Variants in RILPL1 observed in about 807,000 individuals in gnomAD.
The protein encoded by RILPL1 is Rab interacting lysosomal protein like 1, also known as RILP-like protein 1.
A neutral mutation model predicts 50.3 loss-of-function variants in RILPL1; 33 were observed. The observed-to-expected ratio is 0.66, with a 90% CI of 0.50 to 0.88. The LOEUF is 0.88. Ranked by LOEUF, RILPL1 falls within the 40% of genes least tolerant of loss-of-function variation. The probability of loss-of-function intolerance (pLI) is 0.00; values close to 1 mark genes in which losing one functional copy is unlikely to be tolerated. For synonymous variants in RILPL1, 205 were observed against 228.6 expected (o/e 0.90, Z 0.93); for missense variants, 418 against 542.5 (o/e 0.77, Z 2.28).
chr12:123,507,321 G>T (rs1025129618), intron 2 of RILPL1, among the ~76,000 whole-genome samples: 8 of 152,134 alleles, frequency 5.3e-5, no homozygotes, highest in Non-Finnish European at 8.8e-5. Context: ...CCAGCACTTT[G>T]GGAGGCCAAG....
chr12:123,486,805 A>AT (rs565165986), intron 4 of RILPL1, among the ~76,000 whole-genome samples: 1,276 of 125,190 alleles, frequency 0.01, 16 homozygotes, highest in African/African-American at 0.028. Context: ...ACACCCGGCA[A>AT]TTTTTTTTTT....
rs111442751 is a variant in RILPL1 at position 123,500,638 on chromosome 12, G to A, written c.461-1102C>T. Among the ~76,000 whole-genome samples the A allele has an allele frequency of 3.0e-3, 456 of 152,206 alleles. 1 individual carries two copies. The highest frequency in any genetic ancestry group is 9.9e-3 in the African/African-American group (413 of 41,546). On this transcript the variant is annotated intron_variant, in intron 2 of 6. Coordinates refer to ENST00000376874, the MANE Select transcript of RILPL1 (RefSeq NM_178314.5). ...GACGCTGCACAGTGATTCAGGCTGG[G>A]CTCAAGCTCAGACACTGGCTCTCCT...
intron 6 of RILPL1, among the ~76,000 whole-genome samples, chr12:123,482,587 T>A (rs1882066596): frequency 6.6e-6 from 1 of 151,878 alleles, no homozygotes; most frequent in African/African-American, 2.4e-5. Flanking sequence ...GGGCATCATT[T>A]TCTTTCTTTC....
intron 2 of RILPL1, among the ~76,000 whole-genome samples, chr12:123,521,591 AT>A (rs1885021281): frequency 4.6e-5 from 1 of 21,616 alleles, no homozygotes; most frequent in African/African-American, 1.3e-4. Context: ...ATGTGTATAT[AT>A]ATATTAATAT....
intron 2 of RILPL1, chr12:123,518,432 G>A (rs1422785257): frequency 3.0e-6 from 1 of 338,236 alleles, no homozygotes; most frequent in South Asian, 2.2e-5. Context: ...TTTTGAGCCT[G>A]GGAGGTTGAG....
intron 2 of RILPL1, among the ~76,000 whole-genome samples, chr12:123,510,243 G>T (rs1473238089): frequency 6.6e-6 from 1 of 152,224 alleles, no homozygotes; most frequent in African/African-American, 2.4e-5. Context: ...GCCCGCCTGT[G>T]CCCTCTCTCC....
chr12:123,509,967 C>T (rs1267094788), intron 2 of RILPL1, among the ~76,000 whole-genome samples: 1 of 152,228 alleles, frequency 6.6e-6, no homozygotes, highest in Non-Finnish European at 1.5e-5. Flanking sequence ...GGAGCCGAGG[C>T]CTGGCATGTG....
intron 4 of RILPL1, among the ~76,000 whole-genome samples, chr12:123,493,181 C>T (rs1044660313): frequency 6.6e-5 from 10 of 152,190 alleles, no homozygotes; most frequent in Non-Finnish European, 8.8e-5. Context: ...AGGGAAAAAC[C>T]GCCTTAAGGC....
chr12:123,533,510 C>A lies in RILPL1; in HGVS notation c.-28G>T. 2 of 1,472,138 alleles carry A rather than the reference C, an allele frequency of 1.4e-6. No individual in the cohort carries two copies. The highest frequency in any genetic ancestry group is 2.3e-4 in the Middle Eastern group (1 of 4,394). The allele number at this position is 1,472,138 out of a possible 1,614,324, so 91.2% of individuals were successfully genotyped here. On this transcript the variant is annotated 5_prime_UTR_variant, in exon 1 of 7. Coordinates refer to ENST00000376874, the MANE Select transcript of RILPL1 (RefSeq NM_178314.5). This position sits in a 1 kb window ranked among gnomAD's most constrained non-coding sequence, Gnocchi z 6.2. ...CCACCCTCCTGGCCTGTCCCCCGCC[C>A]CGCAAACTCGTGCAACTCCCAAACT... is the stretch of plus-strand genomic sequence containing the variant.
At chr12:123,478,967 G>A (rs905923244) in intron 6 of RILPL1, among the ~76,000 whole-genome samples, 2 of 152,144 alleles carry the variant, frequency 1.3e-5, no homozygotes, top group Admixed American at 6.5e-5. Flanking sequence ...AACATCTTCC[G>A]GGCACACTGT....
Position 123,472,335 on chromosome 12 carries a change from C to T in RILPL1, c.*203G>A. On this transcript the variant is annotated 3_prime_UTR_variant, in exon 7 of 7. Coordinates refer to ENST00000376874, the MANE Select transcript of RILPL1 (RefSeq NM_178314.5). ...AGTCATCTATTAGAAACAGTGATAG[C>T]CCTGGGTATAAATAAACATTTCTTT... 1 of 566,552 alleles carries T rather than the reference C, an allele frequency of 1.8e-6. No individual in the cohort carries two copies. Among genetic ancestry groups the T allele is most frequent in the Middle Eastern group, 4.8e-4 (1 of 2,092 alleles). The allele number at this position is 566,552 out of a possible 1,614,324, so 35.1% of individuals were successfully genotyped here. A position where few individuals can be genotyped will look rare whatever the true frequency, so the allele number is the denominator to read the frequency against.
At chr12:123,530,434 T>C (rs552699940) in intron 1 of RILPL1, among the ~76,000 whole-genome samples, 2 of 152,340 alleles carry the variant, frequency 1.3e-5, no homozygotes, top group East Asian at 3.9e-4. Flanking sequence ...CCAAAAGTGC[T>C]GGGATTACAG....
intron 2 of RILPL1, chr12:123,515,617 T>C (rs1251733142): frequency 6.6e-6 from 1 of 151,886 alleles, no homozygotes; most frequent in East Asian, 2.0e-4. Flanking sequence ...GCCCAGCTAA[T>C]TTTTTTGTAC....
chr12:123,470,441 C>G lies in RILPL1; in HGVS notation c.*2097G>C, dbSNP rs1388921503. 1 of 143,768 alleles carries G rather than the reference C, an allele frequency of 7.0e-6. No homozygotes were observed. The highest frequency in any genetic ancestry group is 2.6e-5 in the African/African-American group (1 of 37,966). 8.9% of individuals were successfully genotyped at this position (143,768 alleles called of 1,614,324 possible). ...TGAGCTATGATAGTGCCACTGTACTCCAGCCTAGGTGACAGAGTGAGACCC... is the reference window on the plus strand; with the variant it reads ...TGAGCTATGATAGTGCCACTGTACTGCAGCCTAGGTGACAGAGTGAGACCC... On this transcript the variant is annotated 3_prime_UTR_variant, in exon 7 of 7. Coordinates refer to ENST00000376874, the MANE Select transcript of RILPL1 (RefSeq NM_178314.5).
chr12:123,484,181 G>T lies in RILPL1; in HGVS notation c.1066C>A (p.Leu356Met). 1.2e-6 allele frequency: 2 copies of T among 1,602,412 alleles called. No homozygotes were observed. Among genetic ancestry groups the T allele is most frequent in the Non-Finnish European group, 1.7e-6 (2 of 1,170,346 alleles). ...AGAAGCTGGCAGCGCATCACTTACA[G>T]TCGCTTGATGCCCGACTCCGGCTGG... The part of the protein sequence containing the change: ...SPQPESGIKR[L>M]FSFFSRDKKR... Residue 356 changes from leucine to methionine, a missense_variant and splice_region_variant, in exon 6 of 7, where the codon CTG becomes ATG. Physicochemically the swap from Leu to Met is conservative, Grantham distance 15. Coordinates refer to ENST00000376874, the MANE Select transcript of RILPL1 (RefSeq NM_178314.5).
rs375653800 is a variant in RILPL1 at position 123,512,791 on chromosome 12, TTGTG to T, written c.460+10700_460+10703del. On this transcript the variant is annotated intron_variant, in intron 2 of 6. Coordinates refer to ENST00000376874, the MANE Select transcript of RILPL1 (RefSeq NM_178314.5). Reference sequence around the variant, plus strand: ...GAGGTCTGTGTGTGGTGTGTGAGGTTTGTGTGTGTGTGTGGTGTGAGATCTGTGT... The same window carrying T: ...GAGGTCTGTGTGTGGTGTGTGAGGTTTGTGTGTGTGGTGTGAGATCTGTGT... Among the ~76,000 whole-genome samples the T allele has an allele frequency of 4.1e-4, 48 of 117,996 alleles. No individual in the cohort carries two copies. The East Asian group carries it at 4.4e-3, about 11-fold the overall frequency. The allele number at this position is 117,996 out of a possible 152,430, so 77.4% of individuals were successfully genotyped here. A position where few individuals can be genotyped will look rare whatever the true frequency, so the allele number is the denominator to read the frequency against.
chr12:123,497,957 G>C lies in RILPL1; in HGVS notation c.801+587C>G, dbSNP rs567397958. ...CTGTGTGATTAATGATTAAGGTCTG[G>C]ACTAACTAATGTCTGCCTCCCATAC... On this transcript the variant is annotated intron_variant, in intron 4 of 6. Transcript: ENST00000376874. Among the ~76,000 whole-genome samples, 20 of 152,298 alleles carry C rather than the reference G, an allele frequency of 1.3e-4. No homozygotes were observed. The South Asian group carries it at 4.1e-3, about 32-fold the overall frequency.
At chr12:123,514,376 GAA>G (rs1884570333) in intron 2 of RILPL1, 3 of 152,006 alleles carry the variant, frequency 2.0e-5, no homozygotes, top group Admixed American at 2.0e-4. Flanking sequence ...GGAAGGTGGT[GAA>G]AGTGTTTTGG....
chr12:123,516,624 C>T (rs1188331590), intron 2 of RILPL1, among the ~76,000 whole-genome samples: 1 of 152,130 alleles, frequency 6.6e-6, no homozygotes, highest in African/African-American at 2.4e-5. Context: ...GGCTCTAGAT[C>T]GCTGTAATCC....
Sources: gnomAD v4.1 joint callset for allele counts (sites outside exome capture counted in the v4.1 genomes callset) on GRCh38, gnomAD v4.1.1 for gene constraint, Gnocchi (gnomAD v3.1) non-coding constraint, MANE v1.5 for transcripts, NCBI Gene and HGNC (gene_info 2026-07-23, HGNC 2026-07-21) for gene names.